ARHGAP15: variants seen among roughly 807,000 people sequenced by gnomAD.
ARHGAP15 encodes Rho GTPase activating protein 15.
A neutral mutation model predicts 63.7 loss-of-function variants in ARHGAP15; 51 were observed. The ratio of observed to expected loss-of-function variants is 0.80; its 90% CI spans 0.64 to 1.01. ARHGAP15 has a LOEUF of 1.01. Ranked by LOEUF, ARHGAP15 falls within the 50% of genes least tolerant of loss-of-function variation. The pLI, the probability that ARHGAP15 is intolerant of heterozygous loss-of-function variation, is 0.00. For missense variants in ARHGAP15, 560 were observed against 564.6 expected, an observed-to-expected ratio of 0.99 and a Z score of 0.08; for synonymous variants, 191 against 193.8, an observed-to-expected ratio of 0.99 and a Z score of 0.12.
At chr2:143,696,445 G>A (rs1387539021) in intron 12 of ARHGAP15, among the ~76,000 whole-genome samples, 1 of 151,680 alleles carries the variant, frequency 6.6e-6, no homozygotes, top group African/African-American at 2.4e-5. Context: ...AGCAGGGATA[G>A]AGGTAGAAGG....
chr2:143,303,081 C>T (rs753670463), intron 6 of ARHGAP15, among the ~76,000 whole-genome samples: 37 of 151,960 alleles, frequency 2.4e-4, no homozygotes, highest in Non-Finnish European at 1.5e-4. Flanking sequence ...CTAGGCAATA[C>T]CATTCAGGAT....
chr2:143,689,171 C>T (rs1359851098), intron 12 of ARHGAP15, among the ~76,000 whole-genome samples: 1 of 152,118 alleles, frequency 6.6e-6, no homozygotes, highest in Non-Finnish European at 1.5e-5. Context: ...ATCCGTATCA[C>T]AAACCTAATT....
rs542998681 is a variant in ARHGAP15 at position 143,749,460 on chromosome 2, A to T, written c.1245-18529A>T. ...CTTCATGATGCCACATTAAGTCAGCATGTTCAAGATAGGGGAACAGTAGGT... is the reference window on the plus strand; with the variant it reads ...CTTCATGATGCCACATTAAGTCAGCTTGTTCAAGATAGGGGAACAGTAGGT... On this transcript the variant is annotated intron_variant, in intron 13 of 13. Coordinates refer to ENST00000295095, the MANE Select transcript of ARHGAP15 (RefSeq NM_018460.4). 3.3e-5 allele frequency among the ~76,000 whole-genome samples: 5 copies of T among 152,324 alleles called. 1 individual carries two copies. In the South Asian group the frequency reaches 1.0e-3, roughly 32 times the overall value.
intron 8 of ARHGAP15, among the ~76,000 whole-genome samples, chr2:143,456,171 AACTT>A (rs1690642303): frequency 6.6e-6 from 1 of 152,112 alleles, no homozygotes. Context: ...AGGGCTAAAT[AACTT>A]AGCCCCTGAA....
chr2:143,359,770 TTTA>T (rs1210010616), intron 6 of ARHGAP15, among the ~76,000 whole-genome samples: 1 of 152,210 alleles, frequency 6.6e-6, no homozygotes, highest in African/African-American at 2.4e-5. Flanking sequence ...GGTTTTAACT[TTTA>T]TTTTAATTTA....
intron 6 of ARHGAP15, among the ~76,000 whole-genome samples, chr2:143,373,000 AAAT>A (rs1686627796): frequency 6.6e-6 from 1 of 151,962 alleles, no homozygotes; most frequent in African/African-American, 2.4e-5. Flanking sequence ...AAAAAAAAAA[AAAT>A]CTAGTGAGGG....
intron 10 of ARHGAP15, among the ~76,000 whole-genome samples, chr2:143,528,934 T>C (rs1372365422): frequency 6.6e-6 from 1 of 152,266 alleles, no homozygotes; most frequent in East Asian, 1.9e-4. Context: ...GATTTAATTA[T>C]TGACTCTGAC....
intron 6 of ARHGAP15, among the ~76,000 whole-genome samples, chr2:143,320,572 T>C (rs1041363865): frequency 6.6e-6 from 1 of 151,956 alleles, no homozygotes; most frequent in Admixed American, 6.6e-5. Context: ...AGCGGGACGC[T>C]ACAATCTAAC....
chr2:143,333,565 G>A (rs995642414), intron 6 of ARHGAP15, among the ~76,000 whole-genome samples: 6 of 152,160 alleles, frequency 3.9e-5, no homozygotes, highest in African/African-American at 1.4e-4. Flanking sequence ...TAACTTGTTG[G>A]TTTGTTTGCT....
chr2:143,543,110 G>T (rs548326056), intron 10 of ARHGAP15, among the ~76,000 whole-genome samples: 1 of 151,808 alleles, frequency 6.6e-6, no homozygotes, highest in South Asian at 2.1e-4. Context: ...ATTGTTTGAG[G>T]AATCTCTATA....
At chr2:143,298,441 T>C (rs1188874147) in intron 6 of ARHGAP15, among the ~76,000 whole-genome samples, 1 of 152,030 alleles carries the variant, frequency 6.6e-6, no homozygotes, top group African/African-American at 2.4e-5. Context: ...CTTGTATCAT[T>C]AAAAGATGAT....
chr2:143,281,570 C>T (rs16858984), intron 6 of ARHGAP15, among the ~76,000 whole-genome samples: 66,007 of 151,962 alleles, frequency 0.43, 14,710 homozygotes, highest in South Asian at 0.54. Context: ...CCATAGGTAA[C>T]GTGGACTCCC....
intron 2 of ARHGAP15, among the ~76,000 whole-genome samples, chr2:143,178,995 C>T (rs1361148448): frequency 2.0e-5 from 3 of 152,194 alleles, no homozygotes; most frequent in Admixed American, 2.0e-4. Flanking sequence ...GCCTTAGGCT[C>T]ATTTAGAATG....
chr2:143,573,706 T>C (rs1290787844), intron 11 of ARHGAP15, among the ~76,000 whole-genome samples: 1 of 152,204 alleles, frequency 6.6e-6, no homozygotes, highest in Non-Finnish European at 1.5e-5. Context: ...TTTCCATATG[T>C]GCACAATAAA....
chr2:143,288,884 A>G (rs540047637), intron 6 of ARHGAP15, among the ~76,000 whole-genome samples: 8 of 152,256 alleles, frequency 5.3e-5, no homozygotes, highest in African/African-American at 1.9e-4. Flanking sequence ...TAAGCTAATC[A>G]TCTTTGAACA....
chr2:143,511,982 G>T (rs76295676), intron 9 of ARHGAP15, among the ~76,000 whole-genome samples: 1 of 152,176 alleles, frequency 6.6e-6, no homozygotes, highest in African/African-American at 2.4e-5. Context: ...GGCTAATGTT[G>T]TAGTCTACAT....
intron 8 of ARHGAP15, among the ~76,000 whole-genome samples, chr2:143,456,412 A>G (rs1295484616): frequency 1.3e-5 from 2 of 152,152 alleles, no homozygotes; most frequent in African/African-American, 4.8e-5. Flanking sequence ...GTTACATACT[A>G]AAATTAACAT....
At chr2:143,350,370 A>G (rs1184726534) in intron 6 of ARHGAP15, among the ~76,000 whole-genome samples, 1 of 152,170 alleles carries the variant, frequency 6.6e-6, no homozygotes, top group East Asian at 1.9e-4. Flanking sequence ...TACACTCATG[A>G]ACATAAGAAA....
Position 143,330,133 on chromosome 2 carries a change from C to CAAAAAAAAA in ARHGAP15, c.474+79538_474+79539insAAAAAAAAA, listed in dbSNP as rs1558898102. ...AAAAAAAAAAAAAAAAAAAAAAAAC[C>CAAAAAAAAA]AAAAACAAAAAACTAAACTAATGAT... On this transcript the variant is annotated intron_variant, in intron 6 of 13. Transcript: ENST00000295095. Among the ~76,000 whole-genome samples the CAAAAAAAAA allele has an allele frequency of 9.9e-3, 369 of 37,306 alleles. 52 individuals carry two copies. Among genetic ancestry groups the CAAAAAAAAA allele is most frequent in the South Asian group, 0.014 (11 of 796 alleles). The allele number at this position is 37,306 out of a possible 152,430, so 24.5% of individuals were successfully genotyped here.
Sources: allele counts gnomAD v4.1 joint callset (sites outside exome capture counted in the v4.1 genomes callset), GRCh38; gene constraint gnomAD v4.1.1; transcripts MANE v1.5; gene names NCBI Gene and HGNC (gene_info 2026-07-23, HGNC 2026-07-21).